OXCT1: variants seen among roughly 807,000 people sequenced by gnomAD.
The protein encoded by OXCT1 is 3-oxoacid CoA-transferase 1, also known as succinyl-CoA:3-ketoacid coenzyme A transferase 1, mitochondrial.
Under a neutral mutation model 69.6 loss-of-function variants are expected in OXCT1, and 27 were observed. That is an observed-to-expected ratio of 0.39 (90% CI 0.29 to 0.54). The LOEUF (loss-of-function observed/expected upper bound fraction) is 0.54. Among genes scored for constraint, OXCT1 ranks in the 20% least tolerant of loss-of-function variants. The pLI, the probability that OXCT1 is intolerant of heterozygous loss-of-function variation, is 0.72. For synonymous variants in OXCT1, 202 were observed against 217.8 expected (o/e 0.93, Z 0.64); for missense variants, 437 against 650.2 (o/e 0.67, Z 3.57).
chr5:41,843,080 G>C (rs1748720508), intron 5 of OXCT1, among the ~76,000 whole-genome samples: 1 of 152,142 alleles, frequency 6.6e-6, no homozygotes, highest in South Asian at 2.1e-4. Flanking sequence ...TTTACTATTT[G>C]TATGTACAGG....
intron 15 of OXCT1, among the ~76,000 whole-genome samples, chr5:41,743,386 GT>G (rs1743289663): frequency 6.6e-6 from 1 of 152,120 alleles, no homozygotes; most frequent in Non-Finnish European, 1.5e-5. Context: ...TTAGCCCTTT[GT>G]CAGATGGGTA....
At chr5:41,842,195 A>G (rs959063523) in intron 6 of OXCT1, among the ~76,000 whole-genome samples, 4 of 152,216 alleles carry the variant, frequency 2.6e-5, no homozygotes, top group African/African-American at 9.6e-5. Context: ...AGGTTAATCA[A>G]TTTTTCAGAT....
intron 13 of OXCT1, among the ~76,000 whole-genome samples, chr5:41,773,528 T>C (rs1744978676): frequency 1.3e-5 from 2 of 151,192 alleles, no homozygotes; most frequent in Admixed American, 6.6e-5. Context: ...GCCCAGGAGG[T>C]CAAGGCTGCA....
chr5:41,823,965 A>G (rs1747684554), intron 7 of OXCT1, among the ~76,000 whole-genome samples: 1 of 152,224 alleles, frequency 6.6e-6, no homozygotes, highest in Non-Finnish European at 1.5e-5. Flanking sequence ...TCCTGGGGCT[A>G]CACTAAGTTA....
At position 41,805,674 on chromosome 5, in the gene OXCT1, G is replaced by C. The variant is rs121909299; in HGVS notation, c.848C>G (p.Ser283Ter). 6.3e-7 allele frequency: 1 copy of C among 1,591,900 alleles called. No homozygotes were observed. The highest frequency in any genetic ancestry group is 1.7e-5 in the Admixed American group (1 of 59,854). Residue 283 changes from serine to a stop codon, truncating the protein, a stop_gained, in exon 9 of 17, where the codon TCA becomes TGA. Transcript: ENST00000196371. LOFTEE classifies it high-confidence loss of function. ...EKYEKRIERL[S>*]IRKEGDGEAK... is the part of the protein sequence containing the mutation. ...TTCCCCATCTCCCTCTTTCCGGATT[G>C]ATAAACGCTTTAAATTAAACAGAAA... is the stretch of plus-strand genomic sequence containing the variant.
chr5:41,755,637 T>C (rs887876068), intron 14 of OXCT1, among the ~76,000 whole-genome samples: 5 of 152,132 alleles, frequency 3.3e-5, no homozygotes, highest in Admixed American at 6.6e-5. Flanking sequence ...TAAGCAGGAT[T>C]AATAAACTCC....
At chr5:41,752,037 A>G (rs987111501) in intron 14 of OXCT1, among the ~76,000 whole-genome samples, 1 of 152,158 alleles carries the variant, frequency 6.6e-6, no homozygotes, top group Non-Finnish European at 1.5e-5. Flanking sequence ...TGCTGGGCTG[A>G]GCCCTACAGT....
chr5:41,751,525 C>T (rs972938017), intron 14 of OXCT1, among the ~76,000 whole-genome samples: 4 of 152,082 alleles, frequency 2.6e-5, no homozygotes, highest in Non-Finnish European at 4.4e-5. Context: ...GGCCATGCCC[C>T]CCACTGTCTC....
chr5:41,797,864 G>A (rs1359780386), intron 11 of OXCT1, among the ~76,000 whole-genome samples: 2 of 152,064 alleles, frequency 1.3e-5, no homozygotes, highest in Admixed American at 1.3e-4. Context: ...TGTGGGTCTG[G>A]GGACCACACT....
At chr5:41,860,224 CA>C (rs1749672320) in intron 3 of OXCT1, among the ~76,000 whole-genome samples, 1 of 152,054 alleles carries the variant, frequency 6.6e-6, no homozygotes, top group Admixed American at 6.6e-5. Flanking sequence ...TCCCCTCCAA[CA>C]CACAGTAACT....
At chr5:41,862,590 A>C in intron 2 of OXCT1, 52 bp downstream of exon 2, 1 of 961,716 alleles carries the variant, frequency 1.0e-6, no homozygotes, top group Middle Eastern at 2.1e-4. Flanking sequence ...TGCCTGCTTC[A>C]TTTAAAAACA....
At chr5:41,743,719 C>T (rs1743315492) in intron 15 of OXCT1, among the ~76,000 whole-genome samples, 1 of 152,128 alleles carries the variant, frequency 6.6e-6, no homozygotes, top group Non-Finnish European at 1.5e-5. Flanking sequence ...TTTCCCAGCA[C>T]CATTTATTAA....
chr5:41,735,429 T>C (rs1387563735), intron 16 of OXCT1, among the ~76,000 whole-genome samples: 3 of 152,188 alleles, frequency 2.0e-5, no homozygotes, highest in Non-Finnish European at 4.4e-5. Context: ...AAAACAGTGG[T>C]TGCCAAAGGC....
chr5:41,867,086 A>G (rs538288677), intron 1 of OXCT1, among the ~76,000 whole-genome samples: 2 of 152,040 alleles, frequency 1.3e-5, no homozygotes, highest in Non-Finnish European at 2.9e-5. Context: ...TTTCTTTTTA[A>G]TTTTTTTATT....
chr5:41,752,763 A>C (rs1241010511), intron 14 of OXCT1, among the ~76,000 whole-genome samples: 1 of 151,970 alleles, frequency 6.6e-6, no homozygotes, highest in African/African-American at 2.4e-5. Context: ...AAACAAAAAC[A>C]AACAAAAAAA....
chr5:41,816,270 TTA>T (rs2112313341), intron 7 of OXCT1, among the ~76,000 whole-genome samples: 1 of 152,312 alleles, frequency 6.6e-6, no homozygotes, highest in African/African-American at 2.4e-5. Flanking sequence ...TTTCCCTGAT[TTA>T]TATGAGGTAG....
chr5:41,774,851 C>T (rs1181242816), intron 13 of OXCT1, among the ~76,000 whole-genome samples: 7 of 151,916 alleles, frequency 4.6e-5, no homozygotes, highest in African/African-American at 1.5e-4. Context: ...GCCAAGATCA[C>T]GCCACTGCAC....
At chr5:41,852,295 T>C (rs1749212552) in intron 4 of OXCT1, among the ~76,000 whole-genome samples, 2 of 152,066 alleles carry the variant, frequency 1.3e-5, no homozygotes, top group African/African-American at 4.8e-5. Flanking sequence ...TGCTATAGAG[T>C]GACCAGGTGT....
At chr5:41,733,582 C>T (rs1039154366) in intron 16 of OXCT1, among the ~76,000 whole-genome samples, 1 of 152,176 alleles carries the variant, frequency 6.6e-6, no homozygotes, top group African/African-American at 2.4e-5. Context: ...AAATCATTTT[C>T]TATAGATGCT....
Sources: allele counts gnomAD v4.1 joint callset (sites outside exome capture counted in the v4.1 genomes callset), GRCh38; gene constraint gnomAD v4.1.1; transcripts MANE v1.5; gene names NCBI Gene and HGNC (gene_info 2026-07-23, HGNC 2026-07-21).